The following WNT3A variants were observed in gnomAD, a reference collection of about 807,000 sequenced individuals.
WNT3A encodes Wnt family member 3A, also known as protein Wnt-3a.
In WNT3A, 17 loss-of-function variants were observed where a neutral mutation model predicts 37.0. The observed-to-expected ratio is 0.46, with a 90% CI of 0.31 to 0.69. WNT3A has a LOEUF of 0.69. WNT3A is among the 30% of genes least tolerant of loss of function. The pLI, the probability that WNT3A is intolerant of heterozygous loss-of-function variation, is 0.05. For synonymous variants in WNT3A, 187 were observed against 211.0 expected (o/e 0.89, Z 0.99); for missense variants, 411 against 510.2 (o/e 0.81, Z 1.87).
At chr1:228,026,536 C>T (rs916299081) in intron 2 of WNT3A, among the ~76,000 whole-genome samples, 3 of 152,042 alleles carry the variant, frequency 2.0e-5, no homozygotes, top group Non-Finnish European at 4.4e-5. Flanking sequence ...TAGTGGTGAA[C>T]TGAGATTTTA....
At chr1:228,024,791 A>T (rs532752878) in intron 2 of WNT3A, among the ~76,000 whole-genome samples, 2 of 152,300 alleles carry the variant, frequency 1.3e-5, no homozygotes, top group East Asian at 3.9e-4. Flanking sequence ...GAAGTATTTA[A>T]TCTATTTTGA....
chr1:228,021,799 A>C (rs2030714223), intron 1 of WNT3A, among the ~76,000 whole-genome samples: 1 of 152,052 alleles, frequency 6.6e-6, no homozygotes, highest in South Asian at 2.1e-4. Flanking sequence ...TCCAATCCCA[A>C]AGCCAAGGGC....
chr1:228,053,101 C>G (rs767325643), intron 3 of WNT3A, among the ~76,000 whole-genome samples: 6 of 152,174 alleles, frequency 3.9e-5, no homozygotes, highest in Non-Finnish European at 8.8e-5. Flanking sequence ...ATGTTCCTCC[C>G]TTCTGGAGGA....
At chr1:228,019,218 C>T (rs772586461) in intron 1 of WNT3A, among the ~76,000 whole-genome samples, 3 of 152,222 alleles carry the variant, frequency 2.0e-5, no homozygotes, top group African/African-American at 2.4e-5. Context: ...GGGACAAGGC[C>T]GCCCCTCCCA....
chr1:228,012,605 A>T (rs774513716), intron 1 of WNT3A, among the ~76,000 whole-genome samples: 12 of 152,092 alleles, frequency 7.9e-5, no homozygotes, highest in Non-Finnish European at 1.0e-4. Flanking sequence ...GAGACTTCTA[A>T]CTTGCCCCCT....
At position 228,007,822 on chromosome 1, in the gene WNT3A, G is replaced by A. The variant is rs2030246562; in HGVS notation, c.71+623G>A. ...GGGGGTTTCCAGGGGCCCTCTCTGC[G>A]AGCCCTCCGCATGGGTCCACCTGGC... On this transcript the variant is annotated intron_variant, in intron 1 of 3. Coordinates refer to ENST00000284523, the MANE Select transcript of WNT3A (RefSeq NM_033131.4). The surrounding 1 kb of genome is among the most constrained non-coding windows in gnomAD (Gnocchi z 6.0). Among the ~76,000 whole-genome samples the A allele has an allele frequency of 6.6e-6, 1 of 151,994 alleles. No homozygotes were observed.
Position 228,039,430 on chromosome 1 carries a change from C to T in WNT3A, c.314-11226C>T, listed in dbSNP as rs2031221876. On this transcript the variant is annotated intron_variant, in intron 2 of 3. Coordinates refer to ENST00000284523, the MANE Select transcript of WNT3A (RefSeq NM_033131.4). This position sits in a 1 kb window ranked among gnomAD's most constrained non-coding sequence, Gnocchi z 4.1. ...CCAGAGACCCAATGACCACTGTCTA[C>T]TCATGGGGGGATGGCCATCAGCATA... 6.6e-6 allele frequency among the ~76,000 whole-genome samples: 1 copy of T among 152,174 alleles called. No homozygotes were observed. The highest frequency in any genetic ancestry group is 1.5e-5 in the Non-Finnish European group (1 of 68,022).
intron 3 of WNT3A, 133 bp downstream of exon 3, chr1:228,051,054 T>A: frequency 5.8e-6 from 7 of 1,199,360 alleles, no homozygotes; most frequent in South Asian, 1.6e-5. Context: ...GACCCCTGCC[T>A]GGGGTGTGCG....
intron 2 of WNT3A, among the ~76,000 whole-genome samples, chr1:228,047,042 G>A (rs1305719216): frequency 6.6e-6 from 1 of 152,166 alleles, no homozygotes; most frequent in African/African-American, 2.4e-5. Context: ...TGGCTGAGAG[G>A]CCCCAGGGCC....
In WNT3A at chr1:228,060,246, A is replaced by G. The variant is rs777547224; in HGVS notation, c.*781A>G. 3.0e-6 allele frequency: 4 copies of G among 1,351,500 alleles called. No individual in the cohort carries two copies. The highest frequency in any genetic ancestry group is 9.8e-7 in the Non-Finnish European group (1 of 1,021,486). 83.7% of individuals were successfully genotyped at this position (1,351,500 alleles called of 1,614,324 possible). A position where few individuals can be genotyped will look rare whatever the true frequency, so the allele number is the denominator to read the frequency against. On this transcript the variant is annotated 3_prime_UTR_variant, in exon 4 of 4. Coordinates refer to ENST00000284523, the MANE Select transcript of WNT3A (RefSeq NM_033131.4). ...GGAAATTCAGCCCACCAGCCACCTC[A>G]TCCCCAACCCCCTGTAAGGTTCCAT...
intron 2 of WNT3A, among the ~76,000 whole-genome samples, chr1:228,045,963 C>T (rs564879491): frequency 2.8e-4 from 43 of 152,308 alleles, no homozygotes; most frequent in African/African-American, 9.9e-4. Flanking sequence ...TAGGCAGCCG[C>T]GGCTAGGGAG....
At position 228,059,289 on chromosome 1, in the gene WNT3A, C is replaced by A; in HGVS notation, c.883C>A (p.Arg295Ser). ...GACGGGCTCCTTCGGCACGCGCGAC[C>A]GCACCTGCAACGTCAGCTCGCACGG... ...PETGSFGTRD[R>S]TCNVSSHGID... The change falls in exon 4 of 4, where the codon CGC (arginine) becomes AGC (serine). Residue 295 changes from arginine (R) to serine (S), a missense_variant. Transcript: ENST00000284523. 1.9e-6 allele frequency: 3 copies of A among 1,590,288 alleles called. No individual in the cohort carries two copies. The highest frequency in any genetic ancestry group is 4.6e-5 in the East Asian group (2 of 43,592).
intron 3 of WNT3A, among the ~76,000 whole-genome samples, chr1:228,057,006 G>C (rs1370456679): frequency 6.6e-6 from 1 of 151,122 alleles, no homozygotes; most frequent in Non-Finnish European, 1.5e-5. Flanking sequence ...CCTTTTCTGG[G>C]AAAAAAAAAT....
chr1:228,051,856 G>C (rs1449507437), intron 3 of WNT3A, among the ~76,000 whole-genome samples: 4 of 152,152 alleles, frequency 2.6e-5, no homozygotes, highest in African/African-American at 9.7e-5. Flanking sequence ...ACATGGGCCA[G>C]AGCAGGAGCA....
At position 228,059,634 on chromosome 1, in the gene WNT3A, G is replaced by A. The variant is rs1452703735; in HGVS notation, c.*169G>A. Reference sequence around the variant, plus strand: ...GGGCAGAACTCCTACCTGAAGGCAGGGCTCCTCCCTGGAGCTAGTGTCTCC... The same window carrying A: ...GGGCAGAACTCCTACCTGAAGGCAGAGCTCCTCCCTGGAGCTAGTGTCTCC... On this transcript the variant is annotated 3_prime_UTR_variant, in exon 4 of 4. Transcript: ENST00000284523. 2 of 1,379,516 alleles carry A rather than the reference G, an allele frequency of 1.4e-6. No individual in the cohort carries two copies. The highest frequency in any genetic ancestry group is 1.7e-5 in the South Asian group (1 of 57,926). The allele number at this position is 1,379,516 out of a possible 1,614,324, so 85.5% of individuals were successfully genotyped here.
At chr1:228,044,317 T>G (rs1162163469) in intron 2 of WNT3A, among the ~76,000 whole-genome samples, 3 of 152,230 alleles carry the variant, frequency 2.0e-5, no homozygotes, top group African/African-American at 7.2e-5. Flanking sequence ...TGTTCAAAAC[T>G]AAATGTGTTC....
At chr1:228,051,897 G>C (rs529126071) in intron 3 of WNT3A, among the ~76,000 whole-genome samples, 2 of 152,216 alleles carry the variant, frequency 1.3e-5, no homozygotes, top group East Asian at 3.9e-4. Flanking sequence ...AGGTCGCCAC[G>C]CACAGATCTT....
chr1:228,034,282 G>A (rs182893539), intron 2 of WNT3A, among the ~76,000 whole-genome samples: 36 of 151,932 alleles, frequency 2.4e-4, no homozygotes, highest in African/African-American at 8.0e-4. Flanking sequence ...ACACACATAC[G>A]CACACACACA....
At chr1:228,023,686 C>T (rs1042292675) in intron 2 of WNT3A, among the ~76,000 whole-genome samples, 1 of 152,036 alleles carries the variant, frequency 6.6e-6, no homozygotes, top group African/African-American at 2.4e-5. Context: ...TTCACATAAC[C>T]GAAAATCCGC....
Sources: gnomAD v4.1 joint callset for allele counts (sites outside exome capture counted in the v4.1 genomes callset) on GRCh38, gnomAD v4.1.1 for gene constraint, Gnocchi (gnomAD v3.1) non-coding constraint, MANE v1.5 for transcripts, NCBI Gene and HGNC (gene_info 2026-07-23, HGNC 2026-07-21) for gene names.